The following SGCZ variants were observed in gnomAD, a reference collection of about 807,000 sequenced individuals.
The protein encoded by SGCZ is sarcoglycan zeta, also known as zeta-sarcoglycan.
Under a neutral mutation model 41.3 loss-of-function variants are expected in SGCZ, and 40 were observed. The observed-to-expected ratio is 0.97, with a 90% CI of 0.75 to 1.26. The LOEUF is 1.26. SGCZ is among the 50% of genes most tolerant of loss of function. The pLI, the probability that SGCZ is intolerant of heterozygous loss-of-function variation, is 0.00. For missense variants in SGCZ, 552 were observed against 369.8 expected (o/e 1.49, Z -4.04); for synonymous variants, 206 against 137.5 (o/e 1.50, Z -3.49).
chr8:14,794,641 T>C (rs112265181), intron 1 of SGCZ, among the ~76,000 whole-genome samples: 25 of 152,292 alleles, frequency 1.6e-4, no homozygotes, highest in African/African-American at 6.0e-4. Flanking sequence ...ATCATCAGAA[T>C]GTTTTGTAAA....
At chr8:14,882,221 G>C (rs1804618435) in intron 1 of SGCZ, among the ~76,000 whole-genome samples, 2 of 152,142 alleles carry the variant, frequency 1.3e-5, no homozygotes, top group African/African-American at 4.8e-5. Context: ...GACATCTGGG[G>C]ATTATCTGCT....
intron 1 of SGCZ, among the ~76,000 whole-genome samples, chr8:14,951,315 T>G (rs2130836199): frequency 6.6e-6 from 1 of 152,170 alleles, no homozygotes; most frequent in Admixed American, 6.5e-5. Context: ...AAAATTATTT[T>G]ATTTTCCTAT....
chr8:14,211,667 G>C (rs1356738062), intron 4 of SGCZ, among the ~76,000 whole-genome samples: 3 of 152,128 alleles, frequency 2.0e-5, no homozygotes, highest in Middle Eastern at 3.4e-3. Context: ...GAGAGAGAGA[G>C]AGAGTAAAAA....
intron 1 of SGCZ, among the ~76,000 whole-genome samples, chr8:14,791,714 A>C (rs997144518): frequency 6.6e-6 from 1 of 152,174 alleles, no homozygotes; most frequent in Admixed American, 6.6e-5. Context: ...TATTATGTGC[A>C]TTATTGCTCT....
chr8:14,823,694 A>T (rs1241018428), intron 1 of SGCZ, among the ~76,000 whole-genome samples: 1 of 152,190 alleles, frequency 6.6e-6, no homozygotes, highest in African/African-American at 2.4e-5. Flanking sequence ...TTAAAAATAG[A>T]ACTACCATAT....
intron 2 of SGCZ, among the ~76,000 whole-genome samples, chr8:14,397,384 T>C: frequency 6.6e-6 from 1 of 152,272 alleles, no homozygotes; most frequent in Non-Finnish European, 1.5e-5. Context: ...CTTATAGGTA[T>C]TCACCATTTA....
At chr8:14,300,045 G>A (rs1036776496) in intron 3 of SGCZ, among the ~76,000 whole-genome samples, 1 of 151,946 alleles carries the variant, frequency 6.6e-6, no homozygotes, top group East Asian at 1.9e-4. Flanking sequence ...GGTTTTGTAA[G>A]TCTGAAGTGT....
At chr8:14,133,135 C>T (rs984079690) in intron 5 of SGCZ, among the ~76,000 whole-genome samples, 5 of 152,094 alleles carry the variant, frequency 3.3e-5, no homozygotes, top group African/African-American at 4.8e-5. Flanking sequence ...GGGGATCAGC[C>T]CAAGGTGAAA....
intron 1 of SGCZ, among the ~76,000 whole-genome samples, chr8:14,725,269 T>A (rs1451999536): frequency 6.6e-6 from 1 of 152,240 alleles, no homozygotes; most frequent in Non-Finnish European, 1.5e-5. Flanking sequence ...CTACTTTGTC[T>A]ACTGTGTAGA....
At chr8:15,042,103 A>G (rs1483797197) in intron 1 of SGCZ, among the ~76,000 whole-genome samples, 1 of 152,194 alleles carries the variant, frequency 6.6e-6, no homozygotes, top group Non-Finnish European at 1.5e-5. Flanking sequence ...TATTCATAGT[A>G]AGATGATAAA....
chr8:14,930,687 G>A (rs1799899525), intron 1 of SGCZ, among the ~76,000 whole-genome samples: 2 of 151,942 alleles, frequency 1.3e-5, no homozygotes, highest in Admixed American at 1.3e-4. Context: ...TCCTTTGCAG[G>A]GACATGGATG....
chr8:14,558,141 C>G (rs542202473), intron 1 of SGCZ, among the ~76,000 whole-genome samples: 1 of 152,028 alleles, frequency 6.6e-6, no homozygotes, highest in African/African-American at 2.4e-5. Context: ...CTGAACAGAC[C>G]AATAACAAGC....
chr8:15,115,240 T>C (rs771175606), intron 1 of SGCZ, among the ~76,000 whole-genome samples: 2 of 152,118 alleles, frequency 1.3e-5, no homozygotes, highest in African/African-American at 2.4e-5. Flanking sequence ...GCAGGGCAGT[T>C]GGAAACATAG....
chr8:14,926,412 T>A (rs1401838667), intron 1 of SGCZ, among the ~76,000 whole-genome samples: 2 of 152,184 alleles, frequency 1.3e-5, no homozygotes, highest in East Asian at 3.9e-4. Flanking sequence ...TTCTTTGATT[T>A]TGCTAAATTT....
intron 1 of SGCZ, among the ~76,000 whole-genome samples, chr8:15,036,707 G>T (rs1039695193): frequency 6.6e-6 from 1 of 152,046 alleles, no homozygotes; most frequent in African/African-American, 2.4e-5. Flanking sequence ...AAATTGAAGA[G>T]GAGGAAATGC....
chr8:14,612,599 T>G (rs1235365877), intron 1 of SGCZ, among the ~76,000 whole-genome samples: 3 of 152,208 alleles, frequency 2.0e-5, no homozygotes, highest in Non-Finnish European at 1.5e-5. Context: ...GCCATAGAAT[T>G]GAAAGAATTC....
chr8:15,226,986 G>A (rs1478168415), intron 1 of SGCZ, among the ~76,000 whole-genome samples: 1 of 152,086 alleles, frequency 6.6e-6, no homozygotes, highest in Non-Finnish European at 1.5e-5. Context: ...CGACAGGAGG[G>A]GCACACTTGA....
chr8:14,890,433 C>A (rs910121382), intron 1 of SGCZ, among the ~76,000 whole-genome samples: 3 of 152,140 alleles, frequency 2.0e-5, no homozygotes, highest in African/African-American at 7.2e-5. Context: ...AAATCAGCCC[C>A]AACACTCCCC....
At chr8:15,233,095 A>T (rs192484164) in intron 1 of SGCZ, among the ~76,000 whole-genome samples, 3 of 152,048 alleles carry the variant, frequency 2.0e-5, no homozygotes, top group Admixed American at 2.0e-4. Context: ...TGATTCCTTT[A>T]GATGTGAAAC....
Sources: allele counts gnomAD v4.1 joint callset (sites outside exome capture counted in the v4.1 genomes callset), GRCh38; gene constraint gnomAD v4.1.1; transcripts MANE v1.5; gene names NCBI Gene and HGNC (gene_info 2026-07-23, HGNC 2026-07-21).